The following LCOR variants were observed in gnomAD, a reference collection of about 807,000 sequenced individuals.
LCOR encodes ligand-dependent corepressor.
LCOR carries 14 observed loss-of-function variants against 64.4 expected under a neutral mutation model. That is an observed-to-expected ratio of 0.22 (90% CI 0.14 to 0.34). The LOEUF is 0.34. Ranked by LOEUF, LCOR falls within the 10% of genes least tolerant of loss-of-function variation. LCOR has a pLI of 1.00. For missense variants in LCOR, 1,686 were observed against 1,765.3 expected, an observed-to-expected ratio of 0.96 and a Z score of 0.80; for synonymous variants, 643 against 642.5, an observed-to-expected ratio of 1.00 and a Z score of -0.01.
In LCOR at chr10:96,955,269, A is replaced by C. The variant is rs760442627; in HGVS notation, c.332+3073A>C. 33 of 1,614,052 alleles carry C rather than the reference A, an allele frequency of 2.0e-5. No homozygotes were observed. In the South Asian group the frequency reaches 3.5e-4, roughly 17 times the overall value. Reference sequence around the variant, plus strand: ...GTTCAGGGGAAATGGTGCACTCAGCAACATCAGTGACCTTCCTTTTCTTGC... The same window carrying C: ...GTTCAGGGGAAATGGTGCACTCAGCCACATCAGTGACCTTCCTTTTCTTGC... On this transcript the variant is annotated intron_variant, in intron 7 of 7. Transcript: ENST00000421806.
At chr10:96,947,494 T>C (rs1004660498) in intron 5 of LCOR, among the ~76,000 whole-genome samples, 11 of 152,166 alleles carry the variant, frequency 7.2e-5, no homozygotes, top group African/African-American at 2.4e-4. Context: ...TAAATTAAAC[T>C]CTTAAGTTCC....
chr10:96,923,825 A>G (rs1212019618), intron 4 of LCOR, among the ~76,000 whole-genome samples: 1 of 152,192 alleles, frequency 6.6e-6, no homozygotes, highest in Non-Finnish European at 1.5e-5. Context: ...CAGCAAACTA[A>G]GACTTGTCAC....
At chr10:96,849,184 C>T (rs1845685359) in intron 2 of LCOR, among the ~76,000 whole-genome samples, 1 of 147,200 alleles carries the variant, frequency 6.8e-6, no homozygotes, top group Non-Finnish European at 1.5e-5. Context: ...AGTGATTCTC[C>T]TGCCTCAGCC....
chr10:96,893,368 T>C (rs1450460688), intron 2 of LCOR, among the ~76,000 whole-genome samples: 2 of 152,200 alleles, frequency 1.3e-5, no homozygotes, highest in Admixed American at 1.3e-4. Flanking sequence ...TAATATAATA[T>C]CTCTAATATG....
intron 2 of LCOR, among the ~76,000 whole-genome samples, chr10:96,877,404 A>G (rs1846186270): frequency 1.3e-5 from 2 of 152,030 alleles, no homozygotes; most frequent in African/African-American, 2.4e-5. Flanking sequence ...ACATGTCTGT[A>G]GTCCCAGTAC....
chr10:96,955,216 A>G (rs115711989), intron 7 of LCOR: 4 of 1,614,172 alleles, frequency 2.5e-6, no homozygotes, highest in African/African-American at 2.7e-5. Flanking sequence ...GCAAAACCAC[A>G]TTACGAGTTC....
In LCOR at chr10:96,984,350, C is replaced by T. The variant is rs200981330; in HGVS notation, c.3890C>T (p.Pro1297Leu). 357 of 1,613,994 alleles carry T rather than the reference C, an allele frequency of 2.2e-4. No homozygotes were observed. Among genetic ancestry groups the T allele is most frequent in the Non-Finnish European group, 2.7e-4 (324 of 1,180,048 alleles). ...EEVKEDRNSH[P>L]PANLPTPAST... Reference sequence around the variant, plus strand: ...GTCAAGGAAGATAGAAACAGTCATCCTCCAGCAAACCTGCCCACTCCAGCC... The same window carrying T: ...GTCAAGGAAGATAGAAACAGTCATCTTCCAGCAAACCTGCCCACTCCAGCC... The change falls in exon 8 of 8, where the codon CCT (proline) becomes CTT (leucine). Residue 1297 changes from proline to leucine, a missense_variant. Pro to Leu is a moderately conservative substitution (Grantham distance 98). Coordinates refer to ENST00000421806, the MANE Select transcript of LCOR (RefSeq NM_001346516.2).
intron 2 of LCOR, among the ~76,000 whole-genome samples, chr10:96,903,427 A>G (rs749951756): frequency 1.2e-4 from 19 of 152,076 alleles, no homozygotes; most frequent in Non-Finnish European, 2.6e-4. Flanking sequence ...TACTTTATTG[A>G]AGACTGAGCA....
chr10:96,983,383 G>C lies in LCOR; in HGVS notation c.2923G>C (p.Ala975Pro). 3 of 1,614,180 alleles carry C rather than the reference G, an allele frequency of 1.9e-6. No individual in the cohort carries two copies. Among genetic ancestry groups the C allele is most frequent in the Non-Finnish European group, 2.5e-6 (3 of 1,180,036 alleles). The change falls in exon 8 of 8, where the codon GCA becomes CCA. Residue 975 changes from alanine to proline, a missense_variant. Physicochemically the swap from Ala to Pro is conservative, Grantham distance 27. This residue lies in a region of LCOR where 1,293 missense variants were observed against 1,410.4 expected (regional missense o/e 0.92). Transcript: ENST00000421806. This position sits in a 1 kb window ranked among gnomAD's most constrained non-coding sequence, Gnocchi z 4.5. ...SIACKRDPEQAKEEPGHIPTQ... is the reference protein window; with the variant it reads ...SIACKRDPEQPKEEPGHIPTQ... Reference sequence around the variant, plus strand: ...TGCTTGTAAGAGGGACCCAGAACAGGCAAAAGAAGAGCCAGGGCATATTCC... The same window carrying C: ...TGCTTGTAAGAGGGACCCAGAACAGCCAAAAGAAGAGCCAGGGCATATTCC...
intron 2 of LCOR, among the ~76,000 whole-genome samples, chr10:96,845,616 C>G (rs570815880): frequency 6.6e-6 from 1 of 150,810 alleles, no homozygotes; most frequent in South Asian, 2.1e-4. Flanking sequence ...TACAGGTGCT[C>G]GCCACCTCGC....
At chr10:96,856,510 A>G (rs1237233061) in intron 2 of LCOR, among the ~76,000 whole-genome samples, 1 of 126,726 alleles carries the variant, frequency 7.9e-6, no homozygotes, top group African/African-American at 3.1e-5. Flanking sequence ...TCTCTCTTTC[A>G]GTCCCCACTG....
At chr10:96,932,516 T>A (rs1847278505) in intron 4 of LCOR, among the ~76,000 whole-genome samples, 2 of 152,172 alleles carry the variant, frequency 1.3e-5, no homozygotes, top group Non-Finnish European at 2.9e-5. Flanking sequence ...CAGGCTGGAG[T>A]GCAGTGGTGC....
rs556849422 is a variant in LCOR at position 96,991,717 on chromosome 10, C to G, written c.*6583C>G. The G allele has an allele frequency of 1.3e-5, 2 of 152,184 alleles. No individual in the cohort carries two copies. Among genetic ancestry groups the G allele is most frequent in the African/African-American group, 4.8e-5 (2 of 41,424 alleles). 9.4% of individuals were successfully genotyped at this position (152,184 alleles called of 1,614,324 possible). The stretch of plus-strand genomic sequence containing the variant: ...TGTCTGTGGCATCTTGTCAGGACAC[C>G]GGCAGCTTTAGACAGAACAAGTTCA... On this transcript the variant is annotated 3_prime_UTR_variant, in exon 8 of 8. Transcript: ENST00000421806.
At chr10:96,958,495 A>G in intron 7 of LCOR, 1 of 836,978 alleles carries the variant, frequency 1.2e-6, no homozygotes, top group Non-Finnish European at 2.0e-6. Context: ...GTCATTTCAG[A>G]TTGTAGGCTG....
intron 1 of LCOR, among the ~76,000 whole-genome samples, chr10:96,832,628 C>G (rs868215852): frequency 1.0e-4 from 15 of 150,450 alleles, no homozygotes; most frequent in Non-Finnish European, 1.8e-4. Flanking sequence ...CGCGCCTCCC[C>G]GGGGCTGGCT....
At chr10:96,929,906 C>T (rs372863725) in intron 4 of LCOR, among the ~76,000 whole-genome samples, 1 of 152,184 alleles carries the variant, frequency 6.6e-6, no homozygotes, top group East Asian at 1.9e-4. Context: ...GACAAGGGAA[C>T]AGGTGTTCAG....
chr10:96,834,748 T>A (rs1845412580), intron 2 of LCOR, among the ~76,000 whole-genome samples: 1 of 152,212 alleles, frequency 6.6e-6, no homozygotes, highest in Admixed American at 6.5e-5. Context: ...TCCATGTTGC[T>A]TTAATTTAGA....
chr10:96,961,585 T>G (rs1452936017), intron 7 of LCOR: 4 of 152,136 alleles, frequency 2.6e-5, no homozygotes, highest in African/African-American at 7.2e-5. Context: ...TAGTGCAGTC[T>G]TGGGTTCCTT....
chr10:96,947,845 G>A (rs1847614845), intron 5 of LCOR, among the ~76,000 whole-genome samples: 1 of 151,852 alleles, frequency 6.6e-6, no homozygotes, highest in South Asian at 2.1e-4. Context: ...GGTACACAGA[G>A]GTAAACAAAC....
Sources: allele counts gnomAD v4.1 joint callset (sites outside exome capture counted in the v4.1 genomes callset), GRCh38; gene constraint gnomAD v4.1.1; regional missense constraint gnomAD v4.1.1; non-coding constraint Gnocchi (gnomAD v3.1); transcripts MANE v1.5; gene names NCBI Gene and HGNC (gene_info 2026-07-23, HGNC 2026-07-21).